STMN2: variants seen among roughly 807,000 people sequenced by gnomAD.
STMN2 encodes the protein stathmin 2.
Under a neutral mutation model 24.1 loss-of-function variants are expected in STMN2, and 2 were observed. The observed-to-expected ratio is 0.08, with a 90% CI of 0.03 to 0.26. The LOEUF is 0.26. STMN2 is among the 10% of genes least tolerant of loss of function. The probability of loss-of-function intolerance (pLI) is 1.00; values close to 1 mark genes in which losing one functional copy is unlikely to be tolerated. For synonymous variants in STMN2, 83 were observed against 77.5 expected (o/e 1.07, Z -0.37); for missense variants, 114 against 213.6 (o/e 0.53, Z 2.91).
At chr8:79,647,994 G>A (rs948288034) in intron 3 of STMN2, among the ~76,000 whole-genome samples, 7 of 152,194 alleles carry the variant, frequency 4.6e-5, no homozygotes, top group East Asian at 1.9e-4. Flanking sequence ...GCTAACTCTC[G>A]TTGTTTTGAT....
intron 3 of STMN2, among the ~76,000 whole-genome samples, chr8:79,643,149 G>GTGTGTATATATATATATATATATA (rs764308760): frequency 2.1e-5 from 3 of 140,100 alleles, no homozygotes; most frequent in African/African-American, 7.9e-5. Context: ...ATGTGTGTGT[G>GTGTGTATATATATATATATATATA]TATATATATA....
At chr8:79,627,585 T>A (rs1209117133) in intron 1 of STMN2, among the ~76,000 whole-genome samples, 1 of 152,180 alleles carries the variant, frequency 6.6e-6, no homozygotes, top group Non-Finnish European at 1.5e-5. Context: ...ACCTTGCATG[T>A]AGCATGTGGA....
intron 3 of STMN2, among the ~76,000 whole-genome samples, chr8:79,647,693 A>G (rs906724391): frequency 6.6e-6 from 1 of 152,208 alleles, no homozygotes; most frequent in African/African-American, 2.4e-5. Context: ...TAATAGAAGA[A>G]GCTTGTCATA....
At chr8:79,653,148 C>T (rs35639627) in intron 3 of STMN2, among the ~76,000 whole-genome samples, 4,747 of 152,074 alleles carry the variant, frequency 0.031, 95 homozygotes, top group Non-Finnish European at 0.053. Flanking sequence ...GAGGCCGAGG[C>T]GGGTGGATCA....
At chr8:79,631,392 A>C (rs1428825809) in intron 1 of STMN2, 1 of 980,596 alleles carries the variant, frequency 1.0e-6, no homozygotes, top group East Asian at 1.1e-4. Context: ...TTAATCTTTC[A>C]AAACCTCCCT....
At chr8:79,635,059 TAAG>T (rs964366970) in intron 1 of STMN2, among the ~76,000 whole-genome samples, 1 of 152,206 alleles carries the variant, frequency 6.6e-6, no homozygotes, top group Non-Finnish European at 1.5e-5. Context: ...TTAACAAAAG[TAAG>T]AAGATTTTAC....
chr8:79,664,934 G>C lies in STMN2; in HGVS notation c.*60G>C. On this transcript the variant is annotated 3_prime_UTR_variant, in exon 5 of 5. Coordinates refer to ENST00000220876, the MANE Select transcript of STMN2 (RefSeq NM_007029.4). ...AAATCCCCCTGCCTATATTATAATG[G>C]ATCATGCGATATCAGGATGGGGAAT... 2.0e-6 allele frequency: 3 copies of C among 1,476,500 alleles called. No homozygotes were observed. The highest frequency in any genetic ancestry group is 2.8e-6 in the Non-Finnish European group (3 of 1,077,874). The allele number at this position is 1,476,500 out of a possible 1,614,324, so 91.5% of individuals were successfully genotyped here.
At chr8:79,620,903 T>A (rs1323774818) in intron 1 of STMN2, 1 of 939,376 alleles carries the variant, frequency 1.1e-6, no homozygotes, top group East Asian at 1.2e-4. Flanking sequence ...TCTAACAAGC[T>A]CCCAGGTGGT....
chr8:79,661,064 C>G (rs1025454591), intron 4 of STMN2, among the ~76,000 whole-genome samples: 1 of 152,090 alleles, frequency 6.6e-6, no homozygotes, highest in African/African-American at 2.4e-5. Flanking sequence ...GGACACTTAA[C>G]ATTAGTTCCA....
intron 1 of STMN2, among the ~76,000 whole-genome samples, chr8:79,632,500 T>C (rs567839032): frequency 1.3e-5 from 2 of 152,138 alleles, no homozygotes; most frequent in African/African-American, 4.8e-5. Flanking sequence ...TAACAGATCC[T>C]GGGCCTCGTC....
chr8:79,622,239 A>G (rs564769056), intron 1 of STMN2, among the ~76,000 whole-genome samples: 17 of 152,308 alleles, frequency 1.1e-4, no homozygotes, highest in African/African-American at 3.8e-4. Context: ...GGAAAACAAT[A>G]CCTAAATCAC....
chr8:79,616,196 A>C (rs990171171), intron 1 of STMN2, among the ~76,000 whole-genome samples: 6 of 152,148 alleles, frequency 3.9e-5, no homozygotes, highest in African/African-American at 7.2e-5. Flanking sequence ...TTTCTTTTCC[A>C]TTTAAAGATA....
intron 3 of STMN2, among the ~76,000 whole-genome samples, chr8:79,653,821 G>A (rs1426271596): frequency 6.6e-6 from 1 of 152,114 alleles, no homozygotes; most frequent in African/African-American, 2.4e-5. Context: ...CAGAAGCCAT[G>A]AGTGTGTAAT....
chr8:79,638,391 T>C (rs1810016445), intron 2 of STMN2, among the ~76,000 whole-genome samples: 1 of 152,244 alleles, frequency 6.6e-6, no homozygotes, highest in African/African-American at 2.4e-5. Context: ...CGTTCTCTTA[T>C]AATCCTTTTC....
Position 79,654,913 on chromosome 8 carries a change from G to C in STMN2, c.331G>C (p.Glu111Gln). The C allele has an allele frequency of 1.2e-6, 2 of 1,613,740 alleles. No individual in the cohort carries two copies. Among genetic ancestry groups the C allele is most frequent in the Non-Finnish European group, 1.7e-6 (2 of 1,179,802 alleles). Residue 111 changes from glutamate (E) to glutamine (Q), a missense_variant, in exon 4 of 5, where the codon GAA becomes CAA. Glu to Gln is a conservative substitution (Grantham distance 29). Coordinates refer to ENST00000220876, the MANE Select transcript of STMN2 (RefSeq NM_007029.4). ...QVLKQLAEKREHEREVLQKAL... is the reference protein window; with the variant it reads ...QVLKQLAEKRQHEREVLQKAL... ...GCTGAAACAATTGGCAGAGAAGAGG[G>C]AACACGAGCGAGAAGTCCTTCAGAA...
intron 1 of STMN2, among the ~76,000 whole-genome samples, chr8:79,623,626 T>C (rs1809571551): frequency 6.6e-6 from 1 of 152,230 alleles, no homozygotes. Flanking sequence ...TTTTTTCACA[T>C]TTATAAGCCA....
At chr8:79,641,044 G>A (rs745985365) in intron 2 of STMN2, among the ~76,000 whole-genome samples, 5 of 152,088 alleles carry the variant, frequency 3.3e-5, no homozygotes, top group Non-Finnish European at 5.9e-5. Context: ...TTCATGCAAA[G>A]CTCATATTTG....
At chr8:79,645,497 G>GGAAAT (rs1050683121) in intron 3 of STMN2, among the ~76,000 whole-genome samples, 88 of 152,128 alleles carry the variant, frequency 5.8e-4, no homozygotes, top group African/African-American at 2.1e-3. Flanking sequence ...TGAATAATGG[G>GGAAAT]GAAATTTTAG....
chr8:79,660,181 G>C (rs1049262396), intron 4 of STMN2, among the ~76,000 whole-genome samples: 1 of 152,180 alleles, frequency 6.6e-6, no homozygotes, highest in African/African-American at 2.4e-5. Flanking sequence ...CAGACAGCAG[G>C]ACGATGGAGG....
Sources: allele counts gnomAD v4.1 joint callset (sites outside exome capture counted in the v4.1 genomes callset), GRCh38; gene constraint gnomAD v4.1.1; transcripts MANE v1.5; gene names NCBI Gene and HGNC (gene_info 2026-07-23, HGNC 2026-07-21).